Variants in ACBD6 observed in about 807,000 individuals in gnomAD.
The protein encoded by ACBD6 is acyl-CoA-binding domain-containing protein 6.
In ACBD6, 28 loss-of-function variants were observed where a neutral mutation model predicts 37.2. That is an observed-to-expected ratio of 0.75 (90% CI 0.56 to 1.03). ACBD6 has a LOEUF of 1.03. Ranked by LOEUF, ACBD6 falls within the 50% of genes least tolerant of loss-of-function variation. ACBD6 has a pLI of 0.00. For missense variants in ACBD6, 340 were observed against 337.4 expected, an observed-to-expected ratio of 1.01 and a Z score of -0.06; for synonymous variants, 113 against 126.8, an observed-to-expected ratio of 0.89 and a Z score of 0.73.
intron 6 of ACBD6, among the ~76,000 whole-genome samples, chr1:180,358,604 A>G (rs181575334): frequency 1.3e-5 from 2 of 152,212 alleles, no homozygotes; most frequent in African/African-American, 4.8e-5. Context: ...AATCAAATCA[A>G]TGATGTACTC....
intron 7 of ACBD6, among the ~76,000 whole-genome samples, chr1:180,295,449 A>G (rs1351456723): frequency 6.6e-6 from 1 of 152,070 alleles, no homozygotes; most frequent in Non-Finnish European, 1.5e-5. Context: ...CATTCAGTTC[A>G]AAATATTTTA....
chr1:180,364,519 C>A (rs1252205421), intron 6 of ACBD6, among the ~76,000 whole-genome samples: 3 of 152,100 alleles, frequency 2.0e-5, no homozygotes, highest in Non-Finnish European at 2.9e-5. Flanking sequence ...AGAGTCAGAA[C>A]TAAAACGAGA....
intron 1 of ACBD6, among the ~76,000 whole-genome samples, chr1:180,500,713 G>A (rs1343027185): frequency 1.4e-5 from 2 of 140,436 alleles, no homozygotes; most frequent in Admixed American, 7.2e-5. Context: ...AAAAAAAAAA[G>A]TGTCAGCCAG....
intron 1 of ACBD6, among the ~76,000 whole-genome samples, chr1:180,497,450 T>G (rs1651782012): frequency 1.3e-5 from 2 of 152,198 alleles, no homozygotes; most frequent in Admixed American, 1.3e-4. Flanking sequence ...AAAAGGAACT[T>G]AGGGCAGCAG....
intron 7 of ACBD6, among the ~76,000 whole-genome samples, chr1:180,314,255 T>A (rs77026599): frequency 0.045 from 6,874 of 152,030 alleles, 224 homozygotes; most frequent in Non-Finnish European, 0.059. Flanking sequence ...TTATTAATAT[T>A]TTTTTTTGAG....
In ACBD6 at chr1:180,387,941, C is replaced by T. The variant is rs189386867; in HGVS notation, c.663+9575G>A. On this transcript the variant is annotated intron_variant, in intron 6 of 7. Coordinates refer to ENST00000367595, the MANE Select transcript of ACBD6 (RefSeq NM_032360.4). The stretch of plus-strand genomic sequence containing the variant: ...CTGTAATCCCACCACTTTGGGAGGC[C>T]GAGGCGGGCAGATCACAAGGTCAGG... Among the ~76,000 whole-genome samples the T allele has an allele frequency of 2.9e-4, 44 of 151,998 alleles. 1 individual carries two copies. In the East Asian group the frequency reaches 7.7e-3, roughly 27 times the overall value.
intron 6 of ACBD6, among the ~76,000 whole-genome samples, chr1:180,347,952 CAA>C (rs34993599): frequency 7.4e-6 from 1 of 135,530 alleles, no homozygotes; most frequent in Admixed American, 7.4e-5. Flanking sequence ...GACCCCGTCT[CAA>C]AAAAAAAAAA....
chr1:180,429,600 C>T (rs551034296), intron 4 of ACBD6, among the ~76,000 whole-genome samples: 2 of 152,212 alleles, frequency 1.3e-5, no homozygotes, highest in Non-Finnish European at 2.9e-5. Flanking sequence ...CTTGTTTCTG[C>T]TTCTTGAGAA....
At chr1:180,420,429 T>G (rs1648308761) in intron 4 of ACBD6, among the ~76,000 whole-genome samples, 1 of 152,220 alleles carries the variant, frequency 6.6e-6, no homozygotes, top group South Asian at 2.1e-4. Flanking sequence ...CCGACCTTCA[T>G]AATGTTCTAT....
chr1:180,420,819 T>G (rs1648329548), intron 4 of ACBD6, among the ~76,000 whole-genome samples: 1 of 152,150 alleles, frequency 6.6e-6, no homozygotes, highest in African/African-American at 2.4e-5. Context: ...TATAGGTAAG[T>G]ATAGTGTTGA....
At chr1:180,430,315 G>A in intron 3 of ACBD6, 53 bp from the exon 4 acceptor site, 2 of 1,390,620 alleles carry the variant, frequency 1.4e-6, no homozygotes, top group Admixed American at 3.4e-5. Flanking sequence ...TAAAACAATA[G>A]GTATTTAAAT....
At chr1:180,412,134 C>CA (rs966192753) in intron 5 of ACBD6, among the ~76,000 whole-genome samples, 8 of 145,376 alleles carry the variant, frequency 5.5e-5, no homozygotes, top group African/African-American at 2.0e-4. Flanking sequence ...ACCCAAAATA[C>CA]AAAAAACCAC....
chr1:180,477,915 G>C (rs1650862306), intron 3 of ACBD6, among the ~76,000 whole-genome samples: 11 of 151,614 alleles, frequency 7.3e-5, no homozygotes, highest in Admixed American at 7.2e-4. Context: ...GATGAGGCAG[G>C]AGGATAACTT....
chr1:180,271,436 G>A, exon 14 of ACBD6: 1 of 1,614,194 alleles, frequency 6.2e-7, no homozygotes, highest in Non-Finnish European at 8.5e-7. Flanking sequence ...CAAGCAGCTG[G>A]AGACATTAAA....
At chr1:180,370,826 T>C (rs567981523) in intron 6 of ACBD6, among the ~76,000 whole-genome samples, 2 of 151,972 alleles carry the variant, frequency 1.3e-5, no homozygotes, top group African/African-American at 4.8e-5. Flanking sequence ...ACTCCACCTA[T>C]GTTCTCCAAT....
chr1:180,296,322 T>C (rs1259568814), intron 7 of ACBD6, among the ~76,000 whole-genome samples: 1 of 152,166 alleles, frequency 6.6e-6, no homozygotes, highest in Non-Finnish European at 1.5e-5. Flanking sequence ...AAAATAAAAG[T>C]GCAAGGTAAA....
chr1:180,435,530 C>A, intron 3 of ACBD6: 1 of 734,994 alleles, frequency 1.4e-6, no homozygotes, highest in Non-Finnish European at 2.3e-6. Flanking sequence ...GGATTACAGG[C>A]ATGAGCGACC....
At chr1:180,395,136 T>C (rs554982220) in intron 6 of ACBD6, among the ~76,000 whole-genome samples, 1 of 152,356 alleles carries the variant, frequency 6.6e-6, no homozygotes, top group East Asian at 1.9e-4. Flanking sequence ...ACAGTCCATT[T>C]ACATGGTACT....
intron 6 of ACBD6, among the ~76,000 whole-genome samples, chr1:180,372,644 C>T (rs1653301967): frequency 6.6e-6 from 1 of 152,124 alleles, no homozygotes; most frequent in African/African-American, 2.4e-5. Flanking sequence ...GAGAGAAGCT[C>T]CTCTGTCATG....
Sources: allele counts gnomAD v4.1 joint callset (sites outside exome capture counted in the v4.1 genomes callset), GRCh38; gene constraint gnomAD v4.1.1; transcripts MANE v1.5; gene names NCBI Gene and HGNC (gene_info 2026-07-23, HGNC 2026-07-21).